The following SMARCB1 variants were observed in gnomAD, a reference collection of about 807,000 sequenced individuals.
The protein encoded by SMARCB1 is SWI/SNF related BAF chromatin remodeling complex subunit B1.
Under a neutral mutation model 49.0 loss-of-function variants are expected in SMARCB1, and 5 were observed. The observed-to-expected ratio is 0.10, with a 90% CI of 0.05 to 0.21. The LOEUF (loss-of-function observed/expected upper bound fraction) is 0.21. Ranked by LOEUF, SMARCB1 falls within the 10% of genes least tolerant of loss-of-function variation. SMARCB1 has a pLI of 1.00. For synonymous variants in SMARCB1, 201 were observed against 200.1 expected, an observed-to-expected ratio of 1.00 and a Z score of -0.04; for missense variants, 226 against 509.2, an observed-to-expected ratio of 0.44 and a Z score of 5.35.
intron 5 of SMARCB1, among the ~76,000 whole-genome samples, chr22:23,808,364 G>A (rs4256061): frequency 0.13 from 19,136 of 151,990 alleles, 1,291 homozygotes; most frequent in South Asian, 0.28. Flanking sequence ...CTCGTGATCC[G>A]CCCACCTCGG....
intron 6 of SMARCB1, among the ~76,000 whole-genome samples, chr22:23,821,873 A>G (rs1375978154): frequency 2.0e-5 from 3 of 151,656 alleles, no homozygotes; most frequent in Non-Finnish European, 4.4e-5. Context: ...AAAAAAAAAA[A>G]AAAGAAAAAA....
At chr22:23,803,447 G>A (rs1362088680) in intron 5 of SMARCB1, 25 bp downstream of exon 5, 1 of 1,613,438 alleles carries the variant, frequency 6.2e-7, no homozygotes, top group Non-Finnish European at 8.5e-7. Context: ...GGCTTGGCTG[G>A]GCCTGGCCCC....
chr22:23,791,981 C>G, intron 2 of SMARCB1, 87 bp downstream of exon 2: 1 of 1,438,670 alleles, frequency 7.0e-7, no homozygotes, highest in South Asian at 1.2e-5. Context: ...AGAGTGTCTT[C>G]ACTGCAGCCT....
In SMARCB1 at chr22:23,834,966, GGGCTGTC is replaced by G. The variant is rs1408780225; in HGVS notation, c.*788_*794del. ...GGCCCAGTCCTGTGTGGGCACTGCT[GGGCTGTC>G]GCCAGCCTGGGTGCAGGAGGGCTGT... is the stretch of plus-strand genomic sequence containing the variant. On this transcript the variant is annotated 3_prime_UTR_variant, in exon 9 of 9. Transcript: ENST00000644036. 9 of 1,560,728 alleles carry G rather than the reference GGGCTGTC, an allele frequency of 5.8e-6. No individual in the cohort carries two copies. The highest frequency in any genetic ancestry group is 6.1e-6 in the Non-Finnish European group (7 of 1,155,828).
intron 7 of SMARCB1, 106 bp downstream of exon 7, chr22:23,825,521 G>A (rs1267986011): frequency 7.1e-6 from 7 of 990,288 alleles, no homozygotes; most frequent in East Asian, 2.6e-5. Flanking sequence ...CTCACGCTTC[G>A]CAGCACAATC....
chr22:23,799,906 G>C (rs1162709689), intron 3 of SMARCB1, among the ~76,000 whole-genome samples: 1 of 152,048 alleles, frequency 6.6e-6, no homozygotes, highest in African/African-American at 2.4e-5. Flanking sequence ...GGCTGGTCTT[G>C]ATCTCCTGAC....
chr22:23,825,127 G>A, intron 6 of SMARCB1, 98 bp from the exon 7 acceptor site: 2 of 948,320 alleles, frequency 2.1e-6, no homozygotes, highest in Non-Finnish European at 3.5e-6. Context: ...GGTGGACCCT[G>A]GTGGGCAGGG....
intron 3 of SMARCB1, among the ~76,000 whole-genome samples, chr22:23,796,075 G>A (rs759909441): frequency 2.6e-5 from 4 of 152,150 alleles, no homozygotes; most frequent in Non-Finnish European, 5.9e-5. Flanking sequence ...TTACAGGTGT[G>A]AGCCACTGTG....
chr22:23,828,424 C>T (rs536815971), intron 7 of SMARCB1, among the ~76,000 whole-genome samples: 8 of 151,782 alleles, frequency 5.3e-5, no homozygotes, highest in South Asian at 2.1e-4. Context: ...TTTGGGAGGC[C>T]GAGGTGGGCG....
Position 23,834,274 on chromosome 22 carries a change from C to A in SMARCB1, c.*94C>A. ...GCAAGGACAGAGGCGAGGGGACAGC[C>A]CAGCGCCATCCTGAGGATCGGGTGG... is the stretch of plus-strand genomic sequence containing the variant. On this transcript the variant is annotated 3_prime_UTR_variant, in exon 9 of 9. Transcript: ENST00000644036. The A allele has an allele frequency of 1.5e-6, 2 of 1,352,620 alleles. No homozygotes were observed. The highest frequency in any genetic ancestry group is 1.4e-5 in the African/African-American group (1 of 69,132). The allele number at this position is 1,352,620 out of a possible 1,614,324, so 83.8% of individuals were successfully genotyped here. A position where few individuals can be genotyped will look rare whatever the true frequency, so the allele number is the denominator to read the frequency against.
chr22:23,813,167 C>A (rs1436402779), intron 5 of SMARCB1, among the ~76,000 whole-genome samples: 6 of 152,196 alleles, frequency 3.9e-5, no homozygotes, highest in Admixed American at 3.3e-4. Flanking sequence ...GCCTGGCCTT[C>A]TGTTGCTAGC....
chr22:23,821,618 G>A (rs1464745844), intron 6 of SMARCB1, among the ~76,000 whole-genome samples: 1 of 152,104 alleles, frequency 6.6e-6, no homozygotes, highest in East Asian at 1.9e-4. Context: ...GGAGAGCTGA[G>A]GTGGGCAGAT....
Position 23,810,882 on chromosome 22 carries a change from T to C in SMARCB1, c.629-5888T>C, listed in dbSNP as rs1929828519. 1.3e-5 allele frequency among the ~76,000 whole-genome samples: 2 copies of C among 151,870 alleles called. 1 individual carries two copies. Among genetic ancestry groups the C allele is most frequent in the Non-Finnish European group, 2.9e-5 (2 of 67,980 alleles). ...CTGTCTCTACTAAAAATACAAAAATTAGCTGGGTGTGGTGGCGGGCGCCTG... is the reference window on the plus strand; with the variant it reads ...CTGTCTCTACTAAAAATACAAAAATCAGCTGGGTGTGGTGGCGGGCGCCTG... On this transcript the variant is annotated intron_variant, in intron 5 of 8. Transcript: ENST00000644036.
Position 23,834,414 on chromosome 22 carries a change from G to A in SMARCB1, c.*234G>A, listed in dbSNP as rs2030867505. 2 of 685,062 alleles carry A rather than the reference G, an allele frequency of 2.9e-6. No individual in the cohort carries two copies. Among genetic ancestry groups the A allele is most frequent in the South Asian group, 3.0e-5 (2 of 66,082 alleles). 42.4% of individuals were successfully genotyped at this position (685,062 alleles called of 1,614,324 possible). ...CCTCCCCAGTCTCTGGGGTCAGGAA[G>A]AAACCTTATTTTAGGTTGTGTTTTG... On this transcript the variant is annotated 3_prime_UTR_variant, in exon 9 of 9. Coordinates refer to ENST00000644036, the MANE Select transcript of SMARCB1 (RefSeq NM_003073.5).
Position 23,834,937 on chromosome 22 carries a change from G to A in SMARCB1, c.*757G>A, listed in dbSNP as rs376282336. ...GCCTTGCTGCTCTGAAGTCCCCTGC[G>A]GAGGGCCCAGTCCTGTGTGGGCACT... On this transcript the variant is annotated 3_prime_UTR_variant, in exon 9 of 9. Transcript: ENST00000644036. 1.3e-4 allele frequency: 211 copies of A among 1,604,928 alleles called. 1 individual carries two copies. The highest frequency in any genetic ancestry group is 2.4e-5 in the Non-Finnish European group (28 of 1,177,438).
At chr22:23,828,818 C>A (rs1469168172) in intron 7 of SMARCB1, among the ~76,000 whole-genome samples, 3 of 152,190 alleles carry the variant, frequency 2.0e-5, no homozygotes, top group Non-Finnish European at 4.4e-5. Flanking sequence ...GTGGGGCAAG[C>A]TGCTGGCCAC....
intron 5 of SMARCB1, chr22:23,816,128 C>A (rs738800): frequency 0.83 from 127,839 of 154,860 alleles, 53,232 homozygotes; most frequent in Middle Eastern, 0.94. Flanking sequence ...CTTGTCAGTA[C>A]GGTCTGGGTG....
Position 23,791,624 on chromosome 22 carries a change from C to T in SMARCB1, c.94-132C>T, listed in dbSNP as rs555237443. The T allele has an allele frequency of 1.2e-5, 10 of 839,948 alleles. 1 individual carries two copies. The South Asian group carries it at 1.3e-4, about 11-fold the overall frequency. 52.0% of individuals were successfully genotyped at this position (839,948 alleles called of 1,614,324 possible). On this transcript the variant is annotated intron_variant, in intron 1 of 8. Transcript: ENST00000644036. ...CATATCAGCAGAATGTGTTTTAATG[C>T]TGCCGAAAGCGTGGCGCCTGGGGGC...
At position 23,825,423 on chromosome 22, in the gene SMARCB1, C is replaced by T; in HGVS notation, c.986+8C>T. 1 of 1,611,076 alleles carries T rather than the reference C, an allele frequency of 6.2e-7. No individual in the cohort carries two copies. Among genetic ancestry groups the T allele is most frequent in the Non-Finnish European group, 8.5e-7 (1 of 1,177,256 alleles). ...GAAGACCTACGCCTTCAGGTAGGATCATGCATGAGTCTCTCCCTCCCTCAT... is the reference window on the plus strand; with the variant it reads ...GAAGACCTACGCCTTCAGGTAGGATTATGCATGAGTCTCTCCCTCCCTCAT... On this transcript the variant is annotated splice_region_variant and intron_variant, in intron 7 of 8. Coordinates refer to ENST00000644036, the MANE Select transcript of SMARCB1 (RefSeq NM_003073.5).
Sources: gnomAD v4.1 joint callset for allele counts (sites outside exome capture counted in the v4.1 genomes callset) on GRCh38, gnomAD v4.1.1 for gene constraint, MANE v1.5 for transcripts, NCBI Gene and HGNC (gene_info 2026-07-23, HGNC 2026-07-21) for gene names.